FCN2: variants seen among roughly 807,000 people sequenced by gnomAD.
FCN2 encodes the protein ficolin 2, also known as ficolin-2.
Under a neutral mutation model 32.5 loss-of-function variants are expected in FCN2, and 31 were observed. That is an observed-to-expected ratio of 0.96 (90% CI 0.72 to 1.29). FCN2 has a LOEUF of 1.29. Among genes scored for constraint, FCN2 ranks in the 50% most tolerant of loss-of-function variants. The pLI, the probability that FCN2 is intolerant of heterozygous loss-of-function variation, is 0.00. For missense variants in FCN2, 412 were observed against 406.5 expected (o/e 1.01, Z -0.12); for synonymous variants, 181 against 164.5 (o/e 1.10, Z -0.77).
chr9:134,886,410 C>T lies in FCN2; in HGVS notation c.560-20C>T, dbSNP rs190845279. 6.2e-7 allele frequency: 1 copy of T among 1,614,138 alleles called. No individual in the cohort carries two copies. The highest frequency in any genetic ancestry group is 8.5e-7 in the Non-Finnish European group (1 of 1,179,966). On this transcript the variant is annotated intron_variant, in intron 6 of 7. Coordinates refer to ENST00000291744, the MANE Select transcript of FCN2 (RefSeq NM_004108.3). ...GGTAGAGAGCCCTTCCGCTGAGACC[C>T]TGAAACCTTTCTCTAACAGGAACCA...
chr9:134,886,516 G>A lies in FCN2; in HGVS notation c.646G>A (p.Ala216Thr). ...KYRSFKVADE[A>T]EKYNLVLGAF... is the part of the protein sequence containing the mutation. ...CAGATCATTCAAGGTGGCCGACGAGGCGGAGAAGTACAATCTGGTCCTGGG... is the reference window on the plus strand; with the variant it reads ...CAGATCATTCAAGGTGGCCGACGAGACGGAGAAGTACAATCTGGTCCTGGG... Residue 216 changes from alanine to threonine, a missense_variant, in exon 7 of 8, where the codon GCG (alanine) becomes ACG (threonine). By Grantham distance (58) the Ala-to-Thr change is moderately conservative. Transcript: ENST00000291744. The A allele has an allele frequency of 6.2e-7, 1 of 1,614,214 alleles. No homozygotes were observed. Among genetic ancestry groups the A allele is most frequent in the Non-Finnish European group, 8.5e-7 (1 of 1,180,028 alleles).
Position 134,886,478 on chromosome 9 carries a change from A to C in FCN2, c.608A>C (p.Gln203Pro), listed in dbSNP as rs749018805. ...CTGGTGGACTTTGAGGACAACTACCAGTTTGCTAAGTACAGATCATTCAAG... is the reference window on the plus strand; with the variant it reads ...CTGGTGGACTTTGAGGACAACTACCCGTTTGCTAAGTACAGATCATTCAAG... ...VDLVDFEDNY[Q>P]FAKYRSFKVA... The change falls in exon 7 of 8, where the codon CAG becomes CCG. Residue 203 changes from glutamine to proline, a missense_variant. By Grantham distance (76) the Gln-to-Pro change is moderately conservative. Coordinates refer to ENST00000291744, the MANE Select transcript of FCN2 (RefSeq NM_004108.3). 1.2e-6 allele frequency: 2 copies of C among 1,613,930 alleles called. No homozygotes were observed. The highest frequency in any genetic ancestry group is 3.3e-5 in the Admixed American group (2 of 59,994).
chr9:134,878,719 T>G (rs186188832), upstream of FCN2, among the ~76,000 whole-genome samples: 38 of 152,220 alleles, frequency 2.5e-4, no homozygotes, highest in East Asian at 7.0e-3. Flanking sequence ...AGTGCCTGCC[T>G]GTAATTCCAG....
At chr9:134,874,774 C>T in the FCN2 span, among the ~76,000 whole-genome samples, 3 of 152,140 alleles carry the variant, frequency 2.0e-5, no homozygotes, top group Non-Finnish European at 4.4e-5. Flanking sequence ...GCCTGTGTTG[C>T]ATCTGCAGAT....
At position 134,880,927 on chromosome 9, in the gene FCN2, G is replaced by C. The variant is rs1258553570; in HGVS notation, c.100+6G>C. On this transcript the variant is annotated splice_donor_region_variant and intron_variant, in intron 1 of 7. Transcript: ENST00000291744. Reference sequence around the variant, plus strand: ...GGCGGCAGACACCTGTCCAGGTAAGGGCACTCCAGGGCCTCCTCCTGGAAA... The same window carrying C: ...GGCGGCAGACACCTGTCCAGGTAAGCGCACTCCAGGGCCTCCTCCTGGAAA... The C allele has an allele frequency of 3.1e-6, 5 of 1,600,172 alleles. No homozygotes were observed. The highest frequency in any genetic ancestry group is 1.7e-6 in the Non-Finnish European group (2 of 1,169,304).
At chr9:134,883,656 T>C (rs1446117855) in intron 3 of FCN2, among the ~76,000 whole-genome samples, 1 of 128,326 alleles carries the variant, frequency 7.8e-6, no homozygotes, top group Non-Finnish European at 1.6e-5. Context: ...GGGTTCTCAA[T>C]GTCGGAGGAG....
At chr9:134,885,388 G>A (rs755768121) in intron 5 of FCN2, 22 bp downstream of exon 5, 1 of 1,610,828 alleles carries the variant, frequency 6.2e-7, no homozygotes, top group East Asian at 2.2e-5. Context: ...GCTGGGCAGA[G>A]GCGGTCAGCC....
In FCN2 at chr9:134,882,723, C is replaced by T; in HGVS notation, c.214+84C>T. ...GTTGGGCAACACCCCCACCATGGTTCCTAGATCGAGAGCTGGGTCAGGCCC... is the reference window on the plus strand; with the variant it reads ...GTTGGGCAACACCCCCACCATGGTTTCTAGATCGAGAGCTGGGTCAGGCCC... On this transcript the variant is annotated intron_variant, in intron 2 of 7. Transcript: ENST00000291744. 5.2e-6 allele frequency: 5 copies of T among 961,336 alleles called. No homozygotes were observed. The South Asian group carries it at 5.7e-5, about 11-fold the overall frequency. The allele number at this position is 961,336 out of a possible 1,614,324, so 59.6% of individuals were successfully genotyped here.
rs1830744408 is a variant in FCN2, at chr9:134,885,832, G to A, written c.494G>A (p.Gly165Asp). 1.9e-6 allele frequency: 3 copies of A among 1,613,948 alleles called. No individual in the cohort carries two copies. Among genetic ancestry groups the A allele is most frequent in the Non-Finnish European group, 2.5e-6 (3 of 1,179,964 alleles). The change falls in exon 6 of 8, where the codon GGC becomes GAC. Residue 165 changes from glycine (G) to aspartate (D), a missense_variant. By Grantham distance (94) the Gly-to-Asp change is moderately conservative (BLOSUM62 -1). Transcript: ENST00000291744. ...CGGGACTGGGCCACGTACAAGCAGG[G>A]CTTCGGCAGTCGGCTGGGGGAGTTC... Reference protein sequence around the residue: ...FYRDWATYKQGFGSRLGEFWL... With the variant: ...FYRDWATYKQDFGSRLGEFWL...
At chr9:134,879,190 T>C (rs536851838), upstream of FCN2, among the ~76,000 whole-genome samples, 34 of 152,378 alleles carry the variant, frequency 2.2e-4, no homozygotes, top group South Asian at 6.2e-3. Flanking sequence ...ATAAATGCAC[T>C]CTGCCAAATC....
the FCN2 span, among the ~76,000 whole-genome samples, chr9:134,871,537 C>T: frequency 6.6e-6 from 1 of 152,246 alleles, no homozygotes; most frequent in Non-Finnish European, 1.5e-5. Flanking sequence ...GTCCTCTGTT[C>T]TTCACCCCTC....
chr9:134,881,062 T>C, intron 1 of FCN2, 141 bp downstream of exon 1: 1 of 700,504 alleles, frequency 1.4e-6, no homozygotes. Context: ...TCTGCATGCC[T>C]CATCTTATGT....
rs759355875 is a variant in FCN2, at chr9:134,885,850, G to C, written c.512G>C (p.Gly171Ala). Residue 171 changes from glycine (G) to alanine (A), a missense_variant, in exon 6 of 8, where the codon GGG becomes GCG. Coordinates refer to ENST00000291744, the MANE Select transcript of FCN2 (RefSeq NM_004108.3). Reference protein sequence around the residue: ...TYKQGFGSRLGEFWLGNDNIH... With the variant: ...TYKQGFGSRLAEFWLGNDNIH... ...AAGCAGGGCTTCGGCAGTCGGCTGG[G>C]GGAGTTCTGGCTGGGGAATGACAAC... 17 of 1,613,790 alleles carry C rather than the reference G, an allele frequency of 1.1e-5. No homozygotes were observed. Among genetic ancestry groups the C allele is most frequent in the Non-Finnish European group, 1.4e-5 (17 of 1,179,930 alleles).
In FCN2 at chr9:134,887,438, G is replaced by C; in HGVS notation, c.*23G>C. ...TAGCCCAGGCCGGCCTCAGGGTCAGGACGCCTCCACACATAGTTGGTTGGG... is the reference window on the plus strand; with the variant it reads ...TAGCCCAGGCCGGCCTCAGGGTCAGCACGCCTCCACACATAGTTGGTTGGG... On this transcript the variant is annotated 3_prime_UTR_variant, in exon 8 of 8. Transcript: ENST00000291744. The C allele has an allele frequency of 6.2e-7, 1 of 1,612,874 alleles. No homozygotes were observed. The highest frequency in any genetic ancestry group is 8.5e-7 in the Non-Finnish European group (1 of 1,179,150).
the FCN2 span, among the ~76,000 whole-genome samples, chr9:134,864,615 G>A: frequency 6.7e-4 from 102 of 152,160 alleles, no homozygotes; most frequent in Non-Finnish European, 8.7e-4. Context: ...TGCTCTCCTG[G>A]CCCTCTCCTT....
At chr9:134,876,885 G>A (rs56193017), upstream of FCN2, among the ~76,000 whole-genome samples, 1 of 152,154 alleles carries the variant, frequency 6.6e-6, no homozygotes, top group African/African-American at 2.4e-5. Context: ...TTTGACTTAG[G>A]TATTTCTTGA....
chr9:134,872,821 A>G, the FCN2 span, among the ~76,000 whole-genome samples: 354 of 152,256 alleles, frequency 2.3e-3, 1 homozygote, highest in African/African-American at 8.1e-3. Flanking sequence ...CAGCCAAACC[A>G]TATCAGTGGG....
intron 2 of FCN2, among the ~76,000 whole-genome samples, chr9:134,883,051 C>T (rs544009449): frequency 6.6e-5 from 10 of 152,260 alleles, no homozygotes; most frequent in East Asian, 1.9e-4. Flanking sequence ...GGAAAAGAGC[C>T]GAGATTCTAC....
upstream of FCN2, among the ~76,000 whole-genome samples, chr9:134,878,371 C>T (rs947198109): frequency 1.3e-4 from 20 of 152,086 alleles, no homozygotes; most frequent in African/African-American, 9.7e-5. Flanking sequence ...CCTCCTTGCC[C>T]GTAACAAGTG....
Sources: allele counts gnomAD v4.1 joint callset (sites outside exome capture counted in the v4.1 genomes callset), GRCh38; gene constraint gnomAD v4.1.1; transcripts MANE v1.5; gene names NCBI Gene and HGNC (gene_info 2026-07-23, HGNC 2026-07-21).